CXorf66: variants seen among roughly 807,000 people sequenced by gnomAD.
CXorf66 encodes the protein chromosome X open reading frame 66, also known as uncharacterized protein CXorf66.
CXorf66 carries 6 observed loss-of-function variants against 5.0 expected under a neutral mutation model. The ratio of observed to expected loss-of-function variants is 1.20; its 90% CI spans 0.65 to 2.36. CXorf66 has a LOEUF of 2.36. Among genes scored for constraint, CXorf66 ranks in the 30% most tolerant of loss-of-function variants. The pLI is 0.00. For synonymous variants in CXorf66, 98 were observed against 102.8 expected, an observed-to-expected ratio of 0.95 and a Z score of 0.28; for missense variants, 270 against 254.9, an observed-to-expected ratio of 1.06 and a Z score of -0.40.
chrX:139,958,004 C>T, intron 2 of CXorf66, 60 bp downstream of exon 2: 1 of 1,045,512 alleles, frequency 9.6e-7, no homozygotes, highest in Non-Finnish European at 1.3e-6. Flanking sequence ...ACAATGAAAC[C>T]TCCGCTATAT....
chrX:139,959,228 G>C (rs924206562), intron 1 of CXorf66, among the ~76,000 whole-genome samples: 9 of 111,514 alleles, frequency 8.1e-5, no homozygotes, highest in African/African-American at 1.6e-4. Flanking sequence ...GAGCTTGGTG[G>C]GGGGAGGGGC....
intron 1 of CXorf66, among the ~76,000 whole-genome samples, chrX:139,964,854 T>C (rs1370492445): frequency 9.2e-6 from 1 of 109,184 alleles, no homozygotes; most frequent in African/African-American, 3.3e-5. Context: ...TAAGTGGGAG[T>C]TGAACAATGA....
At chrX:139,958,002 A>G in intron 2 of CXorf66, 62 bp downstream of exon 2, 1 of 1,042,388 alleles carries the variant, frequency 9.6e-7, no homozygotes, top group Non-Finnish European at 1.3e-6. Context: ...CAACAATGAA[A>G]CCTCCGCTAT....
rs766261305 is a variant in CXorf66 at position 139,956,071 on chromosome X, T to C, written c.911A>G (p.Lys304Arg). 1 of 1,211,022 alleles carries C rather than the reference T, an allele frequency of 8.3e-7. No individual in the cohort carries two copies. Among genetic ancestry groups the C allele is most frequent in the Non-Finnish European group, 1.1e-6 (1 of 894,753 alleles). Residue 304 changes from lysine (K) to arginine (R), a missense_variant, in exon 3 of 3, where the codon AAG becomes AGG. Coordinates refer to ENST00000370540, the MANE Select transcript of CXorf66 (RefSeq NM_001013403.3). ...CTTACGAAAGGACCTGGAAGAGGACTTGACTTTGCTTGAAACATGTAGGTT... is the reference window on the plus strand; with the variant it reads ...CTTACGAAAGGACCTGGAAGAGGACCTGACTTTGCTTGAAACATGTAGGTT... ...TQNLHVSSKV[K>R]SSSRSFRKLD...
chrX:139,964,261 C>T (rs1926639673), intron 1 of CXorf66, among the ~76,000 whole-genome samples: 1 of 111,784 alleles, frequency 8.9e-6, no homozygotes, highest in Non-Finnish European at 1.9e-5. Flanking sequence ...AGGATACGAA[C>T]AGACACTTCT....
intron 2 of CXorf66, among the ~76,000 whole-genome samples, chrX:139,957,116 G>A (rs749080935): frequency 1.9e-4 from 21 of 111,439 alleles, no homozygotes; most frequent in Non-Finnish European, 3.2e-4. Flanking sequence ...GCAGTGAGCC[G>A]AGATCATGCC....
intron 2 of CXorf66, among the ~76,000 whole-genome samples, chrX:139,957,822 A>G (rs1037041490): frequency 1.8e-5 from 2 of 111,814 alleles, no homozygotes; most frequent in African/African-American, 6.5e-5. Flanking sequence ...TGAATTTATA[A>G]TGCAATTAAT....
At chrX:139,959,609 C>A (rs2085586231) in intron 1 of CXorf66, among the ~76,000 whole-genome samples, 1 of 112,433 alleles carries the variant, frequency 8.9e-6, no homozygotes, top group Admixed American at 9.4e-5. Flanking sequence ...GGGTCCCTGA[C>A]TCCCGTGCCT....
chrX:139,963,911 C>G (rs967477208), intron 1 of CXorf66, among the ~76,000 whole-genome samples: 2 of 111,870 alleles, frequency 1.8e-5, no homozygotes, highest in Admixed American at 9.6e-5. Context: ...CAAAAATTAA[C>G]TCAAGATGGA....
chrX:139,963,111 A>G (rs1293443300), intron 1 of CXorf66, among the ~76,000 whole-genome samples: 1 of 111,208 alleles, frequency 9.0e-6, no homozygotes, highest in Non-Finnish European at 1.9e-5. Context: ...AAATAGAAAG[A>G]AAGTCAAATT....
At chrX:139,959,138 A>G (rs1315470141) in intron 1 of CXorf66, among the ~76,000 whole-genome samples, 4 of 111,866 alleles carry the variant, frequency 3.6e-5, no homozygotes, top group Non-Finnish European at 7.5e-5. Flanking sequence ...TCCGACTCCC[A>G]TGGAGCCCAG....
At chrX:139,961,026 T>C (rs984427325) in intron 1 of CXorf66, among the ~76,000 whole-genome samples, 1 of 111,670 alleles carries the variant, frequency 9.0e-6, no homozygotes, top group Non-Finnish European at 1.9e-5. Flanking sequence ...CAACAACTAA[T>C]GTGCAAAATA....
chrX:139,961,465 C>G (rs1488983581), intron 1 of CXorf66, among the ~76,000 whole-genome samples: 1 of 111,820 alleles, frequency 8.9e-6, no homozygotes, highest in Non-Finnish European at 1.9e-5. Flanking sequence ...GACTTAGACT[C>G]CCACACAATA....
chrX:139,955,887 G>T lies in CXorf66; in HGVS notation c.*9C>A. 1.7e-6 allele frequency: 2 copies of T among 1,163,105 alleles called. No individual in the cohort carries two copies. Among genetic ancestry groups the T allele is most frequent in the South Asian group, 2.0e-5 (1 of 49,291 alleles). ...TCTTTCACACTTGGATTTTATTTTT[G>T]TTGAGCTCCTAATCATTTAGGGTTA... On this transcript the variant is annotated 3_prime_UTR_variant, in exon 3 of 3. Coordinates refer to ENST00000370540, the MANE Select transcript of CXorf66 (RefSeq NM_001013403.3).
rs780918033 is a variant in CXorf66, at chrX:139,956,405, T to C, written c.577A>G (p.Lys193Glu). 6 of 1,210,345 alleles carry C rather than the reference T, an allele frequency of 5.0e-6. No individual in the cohort carries two copies. In the African/African-American group the frequency reaches 1.0e-4, roughly 21 times the overall value. Reference protein sequence around the residue: ...HKKGSLEKLCKLDYACKLASS... With the variant: ...HKKGSLEKLCELDYACKLASS... ...GCTAGCTTACACGCATAGTCTAGCT[T>C]ACATAATTTTTCTAGGCTGCCTTTC... The change falls in exon 3 of 3, where the codon AAG becomes GAG. Residue 193 changes from lysine to glutamate, a missense_variant. By Grantham distance (56) the Lys-to-Glu change is moderately conservative. Coordinates refer to ENST00000370540, the MANE Select transcript of CXorf66 (RefSeq NM_001013403.3).
At chrX:139,957,549 T>C (rs1480613253) in intron 2 of CXorf66, among the ~76,000 whole-genome samples, 1 of 111,949 alleles carries the variant, frequency 8.9e-6, no homozygotes, top group Non-Finnish European at 1.9e-5. Context: ...AACATTCCTC[T>C]GAAACTAAAG....
At chrX:139,960,540 C>A (rs1480742881) in intron 1 of CXorf66, among the ~76,000 whole-genome samples, 1 of 111,011 alleles carries the variant, frequency 9.0e-6, no homozygotes, top group Admixed American at 9.7e-5. Context: ...CCCAACCTAG[C>A]AAGACAGGCC....
At chrX:139,959,429 A>G (rs150182436) in intron 1 of CXorf66, among the ~76,000 whole-genome samples, 3,798 of 112,069 alleles carry the variant, frequency 0.034, 147 homozygotes, top group African/African-American at 0.11. Flanking sequence ...GGGCTTACAG[A>G]TAAAACTCCC....
intron 1 of CXorf66, among the ~76,000 whole-genome samples, chrX:139,963,770 C>G (rs201979338): frequency 1.2e-5 from 1 of 86,004 alleles, no homozygotes; most frequent in African/African-American, 5.2e-5. Flanking sequence ...ACATTTAAAG[C>G]CATCTGATCT....
Sources: gnomAD v4.1 joint callset for allele counts (sites outside exome capture counted in the v4.1 genomes callset) on GRCh38, gnomAD v4.1.1 for gene constraint, MANE v1.5 for transcripts, NCBI Gene and HGNC (gene_info 2026-07-23, HGNC 2026-07-21) for gene names.